Variants in SHTN1 observed in about 807,000 individuals in gnomAD.
SHTN1 encodes shootin-1.
Under a neutral mutation model 83.1 loss-of-function variants are expected in SHTN1, and 42 were observed. The observed-to-expected ratio is 0.51, with a 90% confidence interval of 0.39 to 0.65. SHTN1 has a LOEUF of 0.65. Ranked by LOEUF, SHTN1 falls within the 30% of genes least tolerant of loss-of-function variation. SHTN1 has a pLI of 0.00. For synonymous variants in SHTN1, 224 were observed against 247.7 expected, an observed-to-expected ratio of 0.90 and a Z score of 0.90; for missense variants, 622 against 737.8, an observed-to-expected ratio of 0.84 and a Z score of 1.82.
At chr10:116,889,581 G>C (rs930072054) in intron 16 of SHTN1, among the ~76,000 whole-genome samples, 2 of 152,074 alleles carry the variant, frequency 1.3e-5, no homozygotes, top group Admixed American at 1.3e-4. Flanking sequence ...GAGGATGATG[G>C]GGCATGAAGA....
chr10:117,059,283 A>G (rs1404335895), intron 1 of SHTN1, among the ~76,000 whole-genome samples: 5 of 152,166 alleles, frequency 3.3e-5, no homozygotes, highest in Non-Finnish European at 4.4e-5. Context: ...GAGTACAGCC[A>G]CTCTGGGAAA....
chr10:117,076,162 G>A (rs1049876212), intron 1 of SHTN1, among the ~76,000 whole-genome samples: 22 of 132,668 alleles, frequency 1.7e-4, no homozygotes, highest in Admixed American at 1.1e-3. Context: ...CAGCCTGCGC[G>A]ACAAAGCAAG....
intron 1 of SHTN1, among the ~76,000 whole-genome samples, chr10:117,109,140 C>A (rs1564962189): frequency 6.6e-6 from 1 of 152,172 alleles, no homozygotes; most frequent in Non-Finnish European, 1.5e-5. Flanking sequence ...ATCATCTGAA[C>A]AACCTTTGGA....
chr10:117,029,051 C>T (rs1852369204), intron 2 of SHTN1, among the ~76,000 whole-genome samples: 2 of 152,216 alleles, frequency 1.3e-5, no homozygotes, highest in South Asian at 4.1e-4. Context: ...AAGGCCAAAA[C>T]TCTGCAAAGC....
intron 3 of SHTN1, among the ~76,000 whole-genome samples, chr10:116,960,816 A>G (rs1850157913): frequency 6.6e-6 from 1 of 152,230 alleles, no homozygotes; most frequent in Non-Finnish European, 1.5e-5. Flanking sequence ...TATGTACTAT[A>G]TGGTTATAAA....
chr10:117,005,297 G>C (rs1554929322), upstream of SHTN1: 1 of 1,421,498 alleles, frequency 7.0e-7, no homozygotes, highest in Non-Finnish European at 9.2e-7. Context: ...AGGCGGGGCG[G>C]GGCGGGCCCA....
At chr10:117,009,210 T>A (rs559910461), upstream of SHTN1, among the ~76,000 whole-genome samples, 1 of 152,202 alleles carries the variant, frequency 6.6e-6, no homozygotes, top group East Asian at 1.9e-4. Context: ...CACATTTTTT[T>A]AAAAACTAAG....
At chr10:117,121,329 G>A (rs1391358314) in intron 1 of SHTN1, among the ~76,000 whole-genome samples, 3 of 152,162 alleles carry the variant, frequency 2.0e-5, no homozygotes, top group Admixed American at 1.3e-4. Context: ...TGTAATCCCA[G>A]CAATTTGGGA....
chr10:116,904,702 G>T (rs908632490), intron 15 of SHTN1, among the ~76,000 whole-genome samples: 16 of 152,088 alleles, frequency 1.1e-4, no homozygotes, highest in African/African-American at 3.6e-4. Context: ...TCTGTACTCT[G>T]AATTATTCAA....
chr10:116,983,659 GAT>G (rs1343038265), intron 1 of SHTN1, among the ~76,000 whole-genome samples: 2 of 85,244 alleles, frequency 2.3e-5, no homozygotes, highest in Non-Finnish European at 5.1e-5. Context: ...TAGATAGATA[GAT>G]AGATAGATAG....
chr10:116,946,308 T>G (rs1342295741), intron 7 of SHTN1, among the ~76,000 whole-genome samples: 1 of 148,288 alleles, frequency 6.7e-6, no homozygotes, highest in Non-Finnish European at 1.5e-5. Context: ...ATCTCTGGAT[T>G]GTAAAGGTTG....
chr10:116,974,172 G>A, intron 2 of SHTN1: 1 of 1,025,264 alleles, frequency 9.8e-7, no homozygotes, highest in Non-Finnish European at 1.2e-6. Context: ...TTGTGTGTTA[G>A]ATGGAAACAC....
At chr10:117,031,332 C>A (rs572220519) in intron 2 of SHTN1, among the ~76,000 whole-genome samples, 6 of 152,240 alleles carry the variant, frequency 3.9e-5, no homozygotes, top group Middle Eastern at 3.4e-3. Context: ...AACACCAGAC[C>A]TGCCCTACAA....
intron 16 of SHTN1, among the ~76,000 whole-genome samples, chr10:116,889,693 T>A (rs892093050): frequency 2.0e-5 from 3 of 152,194 alleles, no homozygotes; most frequent in Non-Finnish European, 4.4e-5. Context: ...CATGACAGCA[T>A]GCTGTTTCTC....
intron 3 of SHTN1, among the ~76,000 whole-genome samples, chr10:116,961,216 T>G (rs999547232): frequency 6.6e-6 from 1 of 152,154 alleles, no homozygotes; most frequent in Non-Finnish European, 1.5e-5. Context: ...TTACTTTTGC[T>G]TCATTTAAGC....
chr10:117,024,440 C>T (rs1343556865), intron 2 of SHTN1, among the ~76,000 whole-genome samples: 3 of 150,284 alleles, frequency 2.0e-5, no homozygotes, highest in South Asian at 2.1e-4. Context: ...CTGCAAGCTC[C>T]GCCTCCCGGG....
intron 6 of SHTN1, among the ~76,000 whole-genome samples, chr10:116,949,418 C>A (rs1226632154): frequency 2.0e-5 from 3 of 152,150 alleles, no homozygotes; most frequent in African/African-American, 7.2e-5. Context: ...GCGTGAGCCA[C>A]CATACCCAGC....
chr10:116,884,375 T>C lies in SHTN1; in HGVS notation c.*1969A>G, dbSNP rs1422836221. Reference sequence around the variant, plus strand: ...CAAATACCTTCATGTCAAATTAATTTAAAATGCTTTGTAATCACAGTGAGA... The same window carrying C: ...CAAATACCTTCATGTCAAATTAATTCAAAATGCTTTGTAATCACAGTGAGA... On this transcript the variant is annotated 3_prime_UTR_variant, in exon 17 of 17. Coordinates refer to ENST00000355371, the MANE Select transcript of SHTN1 (RefSeq NM_001127211.3). 7 of 411,042 alleles carry C rather than the reference T, an allele frequency of 1.7e-5. No homozygotes were observed. Among genetic ancestry groups the C allele is most frequent in the Non-Finnish European group, 3.5e-5 (7 of 199,108 alleles). 25.5% of individuals were successfully genotyped at this position (411,042 alleles called of 1,614,324 possible). A position where few individuals can be genotyped will look rare whatever the true frequency, so the allele number is the denominator to read the frequency against.
At chr10:116,995,249 A>G (rs191957210) in intron 1 of SHTN1, among the ~76,000 whole-genome samples, 205 of 152,282 alleles carry the variant, frequency 1.3e-3, no homozygotes, top group Non-Finnish European at 7.9e-4. Context: ...GGAAGAACAA[A>G]AAGAACTCTG....
Sources: allele counts gnomAD v4.1 joint callset (sites outside exome capture counted in the v4.1 genomes callset), GRCh38; gene constraint gnomAD v4.1.1; transcripts MANE v1.5; gene names NCBI Gene and HGNC (gene_info 2026-07-23, HGNC 2026-07-21).